PFN2: variants seen among roughly 807,000 people sequenced by gnomAD.
PFN2 encodes the protein profilin-2.
PFN2 carries 8 observed loss-of-function variants against 15.3 expected under a neutral mutation model. The observed-to-expected ratio is 0.52, with a 90% CI of 0.31 to 0.95. PFN2 has a LOEUF of 0.95. Ranked by LOEUF, PFN2 falls within the 40% of genes least tolerant of loss-of-function variation. The pLI, the probability that PFN2 is intolerant of heterozygous loss-of-function variation, is 0.05. For missense variants in PFN2, 111 were observed against 182.3 expected, an observed-to-expected ratio of 0.61 and a Z score of 2.25; for synonymous variants, 79 against 67.9, an observed-to-expected ratio of 1.16 and a Z score of -0.81.
intron 1 of PFN2, among the ~76,000 whole-genome samples, chr3:149,969,472 G>A (rs914757179): frequency 5.3e-5 from 8 of 152,186 alleles, no homozygotes; most frequent in African/African-American, 1.9e-4. Context: ...CAAGAGGACT[G>A]CAGGAAAAAA....
intron 2 of PFN2, among the ~76,000 whole-genome samples, chr3:149,967,789 A>G (rs1722734663): frequency 6.6e-6 from 1 of 152,224 alleles, no homozygotes; most frequent in Non-Finnish European, 1.5e-5. Flanking sequence ...ACTAAATGTA[A>G]TTTCCTACTT....
At position 149,966,206 on chromosome 3, in the gene PFN2, T is replaced by C; in HGVS notation, c.*283A>G. On this transcript the variant is annotated 3_prime_UTR_variant, in exon 3 of 3. Transcript: ENST00000239940. ...TCCTCAGGTATAAAGCGAGTTCATATGCTTTCTTGTTAAGTGTGCCTCCGT... is the reference window on the plus strand; with the variant it reads ...TCCTCAGGTATAAAGCGAGTTCATACGCTTTCTTGTTAAGTGTGCCTCCGT... 6.2e-7 allele frequency: 1 copy of C among 1,613,796 alleles called. No homozygotes were observed.
intron 1 of PFN2, among the ~76,000 whole-genome samples, chr3:149,969,763 G>A (rs1380802967): frequency 1.3e-5 from 2 of 152,174 alleles, no homozygotes; most frequent in Non-Finnish European, 2.9e-5. Flanking sequence ...TAAGCTGGAG[G>A]TTTTGTGGCA....
intron 2 of PFN2, 135 bp downstream of exon 2, chr3:149,968,223 T>C: frequency 1.4e-6 from 1 of 696,484 alleles, no homozygotes; most frequent in Non-Finnish European, 2.5e-6. Context: ...GCAGTGCTTC[T>C]CCATAGTGCT....
At chr3:149,969,455 A>G (rs1361546766) in intron 1 of PFN2, among the ~76,000 whole-genome samples, 1 of 152,208 alleles carries the variant, frequency 6.6e-6, no homozygotes, top group Non-Finnish European at 1.5e-5. Context: ...GAACTCACAC[A>G]CAAAGACAAG....
At position 149,968,569 on chromosome 3, in the gene PFN2, A is replaced by T; in HGVS notation, c.133-19T>A. 7.1e-7 allele frequency: 1 copy of T among 1,405,452 alleles called. No homozygotes were observed. The highest frequency in any genetic ancestry group is 2.6e-5 in the East Asian group (1 of 39,206). The allele number at this position is 1,405,452 out of a possible 1,614,324, so 87.1% of individuals were successfully genotyped here. On this transcript the variant is annotated intron_variant, in intron 1 of 2. Coordinates refer to ENST00000239940, the MANE Select transcript of PFN2 (RefSeq NM_053024.4). ...CTATTGGCTGCCCCCCACCAAAAAG[A>T]AAAAAAAAAAACACACACACATTAA...
Position 149,968,950 on chromosome 3 carries a change from A to G in PFN2, c.133-400T>C, listed in dbSNP as rs144404358. ...TATCAACTCTGAACAAAGCTGGTCT[A>G]TCATATTCAGTCCCATTACAGTAAA... On this transcript the variant is annotated intron_variant, in intron 1 of 2. Coordinates refer to ENST00000239940, the MANE Select transcript of PFN2 (RefSeq NM_053024.4). 7.4e-4 allele frequency: 130 copies of G among 174,878 alleles called. 2 individuals carry two copies. In the East Asian group the frequency reaches 0.021, roughly 28 times the overall value. 10.8% of individuals were successfully genotyped at this position (174,878 alleles called of 1,614,324 possible).
At position 149,966,479 on chromosome 3, in the gene PFN2, T is replaced by C; in HGVS notation, c.*10A>G. 6.2e-7 allele frequency: 1 copy of C among 1,610,958 alleles called. No homozygotes were observed. The highest frequency in any genetic ancestry group is 8.5e-7 in the Non-Finnish European group (1 of 1,178,830). On this transcript the variant is annotated 3_prime_UTR_variant, in exon 3 of 3. Coordinates refer to ENST00000239940, the MANE Select transcript of PFN2 (RefSeq NM_053024.4). ...AATTTTCCCCTAATACTTAACAGTC[T>C]GCCTAGCAGCTAGAACCCAGAGTCT...
Position 149,966,345 on chromosome 3 carries a change from A to T in PFN2, c.*144T>A. On this transcript the variant is annotated 3_prime_UTR_variant, in exon 3 of 3. Coordinates refer to ENST00000239940, the MANE Select transcript of PFN2 (RefSeq NM_053024.4). ...GGCAGAAAGAAAGACACCTTTCCCC[A>T]CCAACAGAGGGATACAAAGGAGACA... 6.3e-7 allele frequency: 1 copy of T among 1,595,210 alleles called. No individual in the cohort carries two copies. The highest frequency in any genetic ancestry group is 1.1e-5 in the South Asian group (1 of 87,154).
intron 2 of PFN2, among the ~76,000 whole-genome samples, chr3:149,967,712 C>CA (rs1180390072): frequency 5.9e-5 from 9 of 152,252 alleles, no homozygotes; most frequent in African/African-American, 1.7e-4. Flanking sequence ...TTCTTTAGTG[C>CA]AATTAAGAGT....
At position 149,965,202 on chromosome 3, in the gene PFN2, A is replaced by G; in HGVS notation, c.*1287T>C. The G allele has an allele frequency of 6.6e-7, 1 of 1,519,780 alleles. No homozygotes were observed. Among genetic ancestry groups the G allele is most frequent in the Non-Finnish European group, 8.8e-7 (1 of 1,138,120 alleles). The allele number at this position is 1,519,780 out of a possible 1,614,324, so 94.1% of individuals were successfully genotyped here. On this transcript the variant is annotated 3_prime_UTR_variant, in exon 3 of 3. Coordinates refer to ENST00000239940, the MANE Select transcript of PFN2 (RefSeq NM_053024.4). Reference sequence around the variant, plus strand: ...AGCAACAGTTCATTTTAACAATAGTATGGCACAGAATACATATGAAAAAAA... The same window carrying G: ...AGCAACAGTTCATTTTAACAATAGTGTGGCACAGAATACATATGAAAAAAA...
chr3:149,968,613 T>C (rs1160948509), intron 1 of PFN2, 63 bp from the exon 2 acceptor site: 6 of 1,411,142 alleles, frequency 4.3e-6, no homozygotes, highest in African/African-American at 2.9e-5. Context: ...TAACTCCTTT[T>C]AGGGCTTGAT....
In PFN2 at chr3:149,966,034, A is replaced by G. The variant is rs1722680432; in HGVS notation, c.*455T>C. On this transcript the variant is annotated 3_prime_UTR_variant, in exon 3 of 3. Coordinates refer to ENST00000239940, the MANE Select transcript of PFN2 (RefSeq NM_053024.4). Reference sequence around the variant, plus strand: ...ACAGTGGTTAACATACAAATGATCCATTGGGCAAACAGGAATCATGACATT... The same window carrying G: ...ACAGTGGTTAACATACAAATGATCCGTTGGGCAAACAGGAATCATGACATT... The G allele has an allele frequency of 2.0e-6, 3 of 1,493,986 alleles. No individual in the cohort carries two copies. The highest frequency in any genetic ancestry group is 1.8e-6 in the Non-Finnish European group (2 of 1,126,760). 92.5% of individuals were successfully genotyped at this position (1,493,986 alleles called of 1,614,324 possible). A position where few individuals can be genotyped will look rare whatever the true frequency, so the allele number is the denominator to read the frequency against.
chr3:149,965,826 C>T lies in PFN2; in HGVS notation c.*663G>A. The T allele has an allele frequency of 9.1e-7, 1 of 1,102,674 alleles. No homozygotes were observed. Among genetic ancestry groups the T allele is most frequent in the Non-Finnish European group, 1.1e-6 (1 of 904,156 alleles). 68.3% of individuals were successfully genotyped at this position (1,102,674 alleles called of 1,614,324 possible). ...GTAAATGCTCAAAGTGCTGAAAAGA[C>T]ACTGATCAGAGATTGTACAACCGGC... is the stretch of plus-strand genomic sequence containing the variant. On this transcript the variant is annotated 3_prime_UTR_variant, in exon 3 of 3. Transcript: ENST00000239940.
At chr3:149,969,073 C>G (rs542465718) in intron 1 of PFN2, among the ~76,000 whole-genome samples, 1 of 152,138 alleles carries the variant, frequency 6.6e-6, no homozygotes, top group African/African-American at 2.4e-5. Context: ...TAGAAATATA[C>G]GTGATGAGAT....
chr3:149,965,538 T>C lies in PFN2; in HGVS notation c.*951A>G, dbSNP rs1722659999. Reference sequence around the variant, plus strand: ...TTGCCATTGCACTCTTCATATGTCCTGTAGACACTATGAATAAAGGTTTGT... The same window carrying C: ...TTGCCATTGCACTCTTCATATGTCCCGTAGACACTATGAATAAAGGTTTGT... On this transcript the variant is annotated 3_prime_UTR_variant, in exon 3 of 3. Coordinates refer to ENST00000239940, the MANE Select transcript of PFN2 (RefSeq NM_053024.4). The C allele has an allele frequency of 1.5e-6, 2 of 1,325,522 alleles. No homozygotes were observed. The highest frequency in any genetic ancestry group is 1.9e-6 in the Non-Finnish European group (2 of 1,042,726). 82.1% of individuals were successfully genotyped at this position (1,325,522 alleles called of 1,614,324 possible).
At chr3:149,969,237 G>A (rs1006142488) in intron 1 of PFN2, among the ~76,000 whole-genome samples, 1 of 152,160 alleles carries the variant, frequency 6.6e-6, no homozygotes, top group African/African-American at 2.4e-5. Flanking sequence ...TCTGTCTACA[G>A]CACTGCGGTA....
chr3:149,966,178 ACCT>A lies in PFN2; in HGVS notation c.*308_*310del. ...TGGGGAGAGGCTGCTTACACATCAG[ACCT>A]CCTCAGGTATAAAGCGAGTTCATAT... On this transcript the variant is annotated 3_prime_UTR_variant, in exon 3 of 3. Coordinates refer to ENST00000239940, the MANE Select transcript of PFN2 (RefSeq NM_053024.4). 1 of 1,613,408 alleles carries A rather than the reference ACCT, an allele frequency of 6.2e-7. No individual in the cohort carries two copies. Among genetic ancestry groups the A allele is most frequent in the South Asian group, 1.1e-5 (1 of 91,006 alleles).
chr3:149,966,316 G>A lies in PFN2; in HGVS notation c.*173C>T, dbSNP rs559612194. 2.1e-5 allele frequency: 34 copies of A among 1,604,988 alleles called. No homozygotes were observed. The Admixed American group carries it at 5.4e-4, about 26-fold the overall frequency. On this transcript the variant is annotated 3_prime_UTR_variant, in exon 3 of 3. Transcript: ENST00000239940. ...AAGTGAACAGAATTATTTTGGGGGG[G>A]GAGGGCAGAAAGAAAGACACCTTTC...
Sources: allele counts gnomAD v4.1 joint callset (sites outside exome capture counted in the v4.1 genomes callset), GRCh38; gene constraint gnomAD v4.1.1; transcripts MANE v1.5; gene names NCBI Gene and HGNC (gene_info 2026-07-23, HGNC 2026-07-21).